Variants in CSNK2A2IP observed in about 807,000 individuals in gnomAD.
CSNK2A2IP encodes the protein casein kinase II subunit alpha'-interacting protein.
the CSNK2A2IP span, among the ~76,000 whole-genome samples, chr3:88,378,384 C>G: frequency 2.0e-5 from 3 of 151,914 alleles, no homozygotes; most frequent in South Asian, 4.1e-4. Flanking sequence ...AGACTCAACT[C>G]AGTTGTATAT....
At chr3:88,345,153 C>T in the CSNK2A2IP span, among the ~76,000 whole-genome samples, 1 of 151,990 alleles carries the variant, frequency 6.6e-6, no homozygotes, top group African/African-American at 2.4e-5. Flanking sequence ...CTGATCTCTC[C>T]AAGTTCTCAC....
the CSNK2A2IP span, among the ~76,000 whole-genome samples, chr3:88,351,304 A>C: frequency 6.6e-6 from 1 of 152,176 alleles, no homozygotes; most frequent in African/African-American, 2.4e-5. Flanking sequence ...ACCAGAGAGG[A>C]CTGCTACAAA....
At chr3:88,410,697 T>C in the CSNK2A2IP span, among the ~76,000 whole-genome samples, 2 of 152,074 alleles carry the variant, frequency 1.3e-5, no homozygotes, top group African/African-American at 2.4e-5. Flanking sequence ...CCAATATGAA[T>C]TTAACGATTG....
the CSNK2A2IP span, among the ~76,000 whole-genome samples, chr3:88,432,575 G>GTA: frequency 2.0e-5 from 3 of 151,446 alleles, no homozygotes; most frequent in African/African-American, 7.3e-5. Context: ...ACTTCACTGT[G>GTA]TATATATATG....
At chr3:88,375,741 T>C in the CSNK2A2IP span, among the ~76,000 whole-genome samples, 6 of 151,822 alleles carry the variant, frequency 4.0e-5, no homozygotes, top group Non-Finnish European at 1.5e-5. Context: ...CTATATTCAA[T>C]ATTCTTTATT....
At chr3:88,378,474 C>G in the CSNK2A2IP span, among the ~76,000 whole-genome samples, 1 of 151,954 alleles carries the variant, frequency 6.6e-6, no homozygotes, top group Admixed American at 6.6e-5. Context: ...ATGAACTGTT[C>G]AATACTGTAA....
chr3:88,390,318 C>CA, the CSNK2A2IP span, among the ~76,000 whole-genome samples: 1 of 152,168 alleles, frequency 6.6e-6, no homozygotes, highest in Non-Finnish European at 1.5e-5. Flanking sequence ...AAAGGTTAAA[C>CA]ATCAGGTCAT....
the CSNK2A2IP span, among the ~76,000 whole-genome samples, chr3:88,376,825 T>C: frequency 6.6e-6 from 1 of 151,790 alleles, no homozygotes; most frequent in East Asian, 1.9e-4. Context: ...CAATTCCTAG[T>C]TATTAAACCC....
chr3:88,372,377 T>C, the CSNK2A2IP span, among the ~76,000 whole-genome samples: 2 of 151,520 alleles, frequency 1.3e-5, no homozygotes, highest in African/African-American at 4.8e-5. Flanking sequence ...AATGAAACTA[T>C]ATTGTTACAA....
At chr3:88,394,884 A>C in the CSNK2A2IP span, among the ~76,000 whole-genome samples, 2 of 152,244 alleles carry the variant, frequency 1.3e-5, no homozygotes, top group East Asian at 3.9e-4. Context: ...TACTTGAGAG[A>C]GGAGAGGGTG....
At chr3:88,458,353 G>T in the CSNK2A2IP span, among the ~76,000 whole-genome samples, 4 of 151,932 alleles carry the variant, frequency 2.6e-5, no homozygotes, top group African/African-American at 7.3e-5. Context: ...GTTTTGCCAT[G>T]TTGGCCAGGC....
chr3:88,376,189 G>A, the CSNK2A2IP span, among the ~76,000 whole-genome samples: 1 of 150,956 alleles, frequency 6.6e-6, no homozygotes, highest in East Asian at 1.9e-4. Flanking sequence ...CTAAATATTG[G>A]TGTGCTCTGT....
chr3:88,340,426 A>G, the CSNK2A2IP span, among the ~76,000 whole-genome samples: 1 of 152,008 alleles, frequency 6.6e-6, no homozygotes. Context: ...TTCGTAATGT[A>G]TATTTTATGC....
the CSNK2A2IP span, among the ~76,000 whole-genome samples, chr3:88,340,097 G>A: frequency 0.026 from 3,881 of 152,014 alleles, 104 homozygotes; most frequent in East Asian, 0.074. Context: ...AAAGAGCTTG[G>A]GTTTAAAATG....
At chr3:88,385,187 T>C in the CSNK2A2IP span, among the ~76,000 whole-genome samples, 1 of 152,132 alleles carries the variant, frequency 6.6e-6, no homozygotes, top group Non-Finnish European at 1.5e-5. Flanking sequence ...AACTTCACAT[T>C]GGTCGCAGGC....
the CSNK2A2IP span, among the ~76,000 whole-genome samples, chr3:88,407,061 T>C: frequency 2.0e-5 from 3 of 152,152 alleles, no homozygotes; most frequent in Non-Finnish European, 4.4e-5. Context: ...CACCCTCAAG[T>C]AGACCACAAA....
the CSNK2A2IP span, among the ~76,000 whole-genome samples, chr3:88,453,557 ACT>A: frequency 1.1e-4 from 17 of 152,040 alleles, no homozygotes; most frequent in Non-Finnish European, 1.3e-4. Context: ...TCCCTGAAGG[ACT>A]ATATCTTAGA....
At chr3:88,407,203 T>C in the CSNK2A2IP span, among the ~76,000 whole-genome samples, 4 of 150,600 alleles carry the variant, frequency 2.7e-5, no homozygotes, top group Admixed American at 6.7e-5. Flanking sequence ...AATTACTTAC[T>C]CTATCATGTA....
At chr3:88,463,958 AATATTATGCATG>A in the CSNK2A2IP span, among the ~76,000 whole-genome samples, 1 of 152,022 alleles carries the variant, frequency 6.6e-6, no homozygotes, top group Non-Finnish European at 1.5e-5. Context: ...TACACCATGG[AATATTATGCATG>A]ATAATAATAA....
Sources: allele counts gnomAD v4.1 joint callset (sites outside exome capture counted in the v4.1 genomes callset), GRCh38; gene constraint gnomAD v4.1.1; transcripts MANE v1.5; gene names NCBI Gene and HGNC (gene_info 2026-07-23, HGNC 2026-07-21).